EPB41L2: variants seen among roughly 807,000 people sequenced by gnomAD.
The protein encoded by EPB41L2 is band 4.1-like protein 2.
EPB41L2 carries 43 observed loss-of-function variants against 113.0 expected under a neutral mutation model. The observed-to-expected ratio is 0.38, with a 90% CI of 0.30 to 0.49. EPB41L2 has a LOEUF of 0.49. EPB41L2 is among the 20% of genes least tolerant of loss of function. The pLI is 0.95. For synonymous variants in EPB41L2, 442 were observed against 436.7 expected, an observed-to-expected ratio of 1.01 and a Z score of -0.15; for missense variants, 1,147 against 1,223.4, an observed-to-expected ratio of 0.94 and a Z score of 0.93.
At chr6:130,912,190 T>C (rs1799626891) in intron 4 of EPB41L2, among the ~76,000 whole-genome samples, 1 of 152,158 alleles carries the variant, frequency 6.6e-6, no homozygotes, top group Admixed American at 6.5e-5. Context: ...GTGGAAAAAT[T>C]GTCTTCCACA....
intron 1 of EPB41L2, among the ~76,000 whole-genome samples, chr6:130,980,229 AAATT>A (rs1779089865): frequency 6.6e-6 from 1 of 151,950 alleles, no homozygotes; most frequent in African/African-American, 2.4e-5. Flanking sequence ...AGGTAAGTGT[AAATT>A]AATATCTGAA....
At chr6:130,964,511 A>G (rs994877635) in intron 1 of EPB41L2, among the ~76,000 whole-genome samples, 40 of 151,456 alleles carry the variant, frequency 2.6e-4, no homozygotes, top group African/African-American at 8.7e-4. Context: ...AAAAGGATAC[A>G]AAATGTACTC....
chr6:131,051,221 A>T (rs1796457498), intron 1 of EPB41L2, among the ~76,000 whole-genome samples: 2 of 152,056 alleles, frequency 1.3e-5, no homozygotes, highest in African/African-American at 4.8e-5. Flanking sequence ...CCCTCTATAT[A>T]AATGAAGTTC....
chr6:130,915,111 G>A (rs1005124353), intron 4 of EPB41L2, among the ~76,000 whole-genome samples: 1 of 151,924 alleles, frequency 6.6e-6, no homozygotes, highest in Admixed American at 6.6e-5. Flanking sequence ...AGACCATCCC[G>A]GCTAAAACGG....
chr6:130,993,771 C>CT (rs1163976145), intron 1 of EPB41L2, among the ~76,000 whole-genome samples: 1 of 152,126 alleles, frequency 6.6e-6, no homozygotes, highest in Non-Finnish European at 1.5e-5. Flanking sequence ...TGGGGAGAAT[C>CT]TTTCATTCCT....
chr6:130,954,040 C>CTTTCTTTTTTTTTTTTTTTTTTTT lies in EPB41L2; in HGVS notation c.705+1064_705+1065insAAAAAAAAAAAAAAAAAAAAGAAA, dbSNP rs1816373036. ...TCCTCTTTTGCTAGTCCTTTTCTTT[C>CTTTCTTTTTTTTTTTTTTTTTTTT]TTTTTTTTTTTTTTTTTTTTTTTTT... On this transcript the variant is annotated intron_variant, in intron 3 of 19. Coordinates refer to ENST00000337057, the MANE Select transcript of EPB41L2 (RefSeq NM_001431.4). Among the ~76,000 whole-genome samples the CTTTCTTTTTTTTTTTTTTTTTTTT allele has an allele frequency of 1.3e-3, 75 of 58,862 alleles. 13 individuals carry two copies. The highest frequency in any genetic ancestry group is 2.0e-3 in the Non-Finnish European group (60 of 30,226). 38.6% of individuals were successfully genotyped at this position (58,862 alleles called of 152,430 possible).
intron 1 of EPB41L2, among the ~76,000 whole-genome samples, chr6:130,986,189 T>C (rs1253801562): frequency 2.6e-5 from 4 of 152,046 alleles, no homozygotes; most frequent in African/African-American, 9.7e-5. Context: ...TAAACCATAT[T>C]AATAGAAACC....
At chr6:130,963,014 G>A (rs1178889760) in intron 1 of EPB41L2, among the ~76,000 whole-genome samples, 2 of 152,170 alleles carry the variant, frequency 1.3e-5, no homozygotes, top group Admixed American at 1.3e-4. Context: ...GTTAAATGCT[G>A]TTGTCATCTT....
In EPB41L2 at chr6:131,013,107, A is replaced by G. The variant is rs1202377593; in HGVS notation, c.-15+50048T>C. On this transcript the variant is annotated intron_variant, in intron 1 of 19. Coordinates refer to ENST00000337057, the MANE Select transcript of EPB41L2 (RefSeq NM_001431.4). ...AGAACATGAGCACAGTGCCTGGCACACTGTAAGTACTAATAAATGGCAATT... is the reference window on the plus strand; with the variant it reads ...AGAACATGAGCACAGTGCCTGGCACGCTGTAAGTACTAATAAATGGCAATT... 2.0e-5 allele frequency among the ~76,000 whole-genome samples: 3 copies of G among 152,354 alleles called. No homozygotes were observed. The East Asian group carries it at 5.8e-4, about 29-fold the overall frequency.
chr6:130,995,099 G>A (rs181128917), intron 1 of EPB41L2, among the ~76,000 whole-genome samples: 1 of 152,294 alleles, frequency 6.6e-6, no homozygotes, highest in Non-Finnish European at 1.5e-5. Context: ...CACTTTGGGA[G>A]GCCAAGGCGG....
At chr6:130,880,078 G>T in intron 13 of EPB41L2, 66 bp downstream of exon 13, 2 of 1,232,310 alleles carry the variant, frequency 1.6e-6, no homozygotes, top group East Asian at 2.3e-5. Flanking sequence ...CAGCCTAGGC[G>T]TGACCTCCCG....
chr6:130,905,348 C>T lies in EPB41L2; in HGVS notation c.854-808G>A, dbSNP rs17059808. On this transcript the variant is annotated intron_variant, in intron 5 of 19. Transcript: ENST00000337057. Reference sequence around the variant, plus strand: ...ATGGAATCCAAATAATTCCACTAGCCTGAATTTAGAGTTTGACTTCAAGTT... The same window carrying T: ...ATGGAATCCAAATAATTCCACTAGCTTGAATTTAGAGTTTGACTTCAAGTT... Among the ~76,000 whole-genome samples the T allele has an allele frequency of 0.02, 3,018 of 151,724 alleles. 194 individuals carry two copies. The East Asian group carries it at 0.26, about 13-fold the overall frequency.
chr6:130,853,744 G>A (rs1023950418), intron 19 of EPB41L2, among the ~76,000 whole-genome samples: 3 of 152,096 alleles, frequency 2.0e-5, no homozygotes, highest in African/African-American at 7.2e-5. Flanking sequence ...TACTCCAAAG[G>A]GCAAGATCAG....
intron 5 of EPB41L2, among the ~76,000 whole-genome samples, chr6:130,905,304 G>A (rs1043811588): frequency 2.0e-5 from 3 of 151,904 alleles, no homozygotes; most frequent in African/African-American, 7.3e-5. Context: ...TGGGGGAAAG[G>A]GCAGGTATTA....
chr6:130,963,156 G>C (rs1015172660), intron 1 of EPB41L2, among the ~76,000 whole-genome samples: 3 of 152,194 alleles, frequency 2.0e-5, no homozygotes, highest in Non-Finnish European at 2.9e-5. Context: ...GGAGCTTCCT[G>C]TTTGTGAAAT....
At chr6:130,941,778 G>A (rs1466429103) in intron 3 of EPB41L2, among the ~76,000 whole-genome samples, 1 of 152,188 alleles carries the variant, frequency 6.6e-6, no homozygotes, top group African/African-American at 2.4e-5. Flanking sequence ...TTCTGCAAAT[G>A]AAGTACACTT....
At chr6:131,011,931 C>T (rs369737505) in intron 1 of EPB41L2, among the ~76,000 whole-genome samples, 1 of 152,162 alleles carries the variant, frequency 6.6e-6, no homozygotes, top group East Asian at 1.9e-4. Flanking sequence ...CCAGGCCAAG[C>T]ACAGTGGCTC....
chr6:130,853,997 G>T (rs774585153), intron 19 of EPB41L2, among the ~76,000 whole-genome samples: 33 of 152,256 alleles, frequency 2.2e-4, no homozygotes, highest in Non-Finnish European at 4.4e-4. Context: ...GCAGCCAGTG[G>T]GGGGTGGAGA....
rs1469208999 is a variant in EPB41L2 at position 130,895,132 on chromosome 6, A to G, written c.1237-13T>C. 3 of 1,597,466 alleles carry G rather than the reference A, an allele frequency of 1.9e-6. No homozygotes were observed. In the South Asian group the frequency reaches 3.4e-5, roughly 18 times the overall value. On this transcript the variant is annotated splice_polypyrimidine_tract_variant and intron_variant, in intron 8 of 19. Coordinates refer to ENST00000337057, the MANE Select transcript of EPB41L2 (RefSeq NM_001431.4). Reference sequence around the variant, plus strand: ...CACCTTCTGAGTCCTGCCAAGCATAACCCAATTAACCATGGTTAAGAGCTG... The same window carrying G: ...CACCTTCTGAGTCCTGCCAAGCATAGCCCAATTAACCATGGTTAAGAGCTG...
Sources: allele counts gnomAD v4.1 joint callset (sites outside exome capture counted in the v4.1 genomes callset), GRCh38; gene constraint gnomAD v4.1.1; transcripts MANE v1.5; gene names NCBI Gene and HGNC (gene_info 2026-07-23, HGNC 2026-07-21).